ENTREP2: variants seen among roughly 807,000 people sequenced by gnomAD.
ENTREP2 encodes the protein endosomal transmembrane epsin interactor 2.
At chr15:29,463,550 G>A in the ENTREP2 span, among the ~76,000 whole-genome samples, 4 of 149,456 alleles carry the variant, frequency 2.7e-5, no homozygotes, top group African/African-American at 7.4e-5. Context: ...AGAGAGAGAC[G>A]GAAGTAACCA....
the ENTREP2 span, among the ~76,000 whole-genome samples, chr15:29,370,609 T>C: frequency 0.32 from 47,931 of 151,834 alleles, 8,779 homozygotes; most frequent in African/African-American, 0.49. Flanking sequence ...ACAGGTTTTC[T>C]ATCCTGGCTG....
chr15:29,672,047 C>A, the ENTREP2 span, among the ~76,000 whole-genome samples: 69 of 152,246 alleles, frequency 4.5e-4, no homozygotes, highest in African/African-American at 1.7e-3. Flanking sequence ...AGTGCAGTGG[C>A]GCCATCTTGG....
the ENTREP2 span, among the ~76,000 whole-genome samples, chr15:29,167,884 ACAATT>A: frequency 6.5e-4 from 99 of 152,350 alleles, no homozygotes; most frequent in African/African-American, 2.3e-3. Context: ...TTATAGCAAC[ACAATT>A]CAATTCACAC....
At chr15:29,486,377 C>T in the ENTREP2 span, among the ~76,000 whole-genome samples, 1 of 152,028 alleles carries the variant, frequency 6.6e-6, no homozygotes, top group African/African-American at 2.4e-5. Flanking sequence ...TACTATCTGG[C>T]CATAAAAAAA....
the ENTREP2 span, among the ~76,000 whole-genome samples, chr15:29,528,639 G>C: frequency 6.6e-6 from 1 of 151,906 alleles, no homozygotes; most frequent in East Asian, 1.9e-4. Flanking sequence ...CACATCTTCT[G>C]ATAGCAAATC....
the ENTREP2 span, among the ~76,000 whole-genome samples, chr15:29,174,707 C>CAAAAAAAAAA: frequency 1.4e-5 from 2 of 138,360 alleles, no homozygotes; most frequent in East Asian, 2.1e-4. Context: ...CAAAACAAAA[C>CAAAAAAAAAA]AACAAAAAAA....
the ENTREP2 span, among the ~76,000 whole-genome samples, chr15:29,624,871 T>TTG: frequency 0.16 from 22,453 of 143,554 alleles, 1,773 homozygotes; most frequent in East Asian, 0.19. Flanking sequence ...CTGCATTAAT[T>TTG]TGTGTGTGTG....
the ENTREP2 span, among the ~76,000 whole-genome samples, chr15:29,593,843 A>G: frequency 2.6e-5 from 4 of 152,196 alleles, no homozygotes; most frequent in African/African-American, 9.6e-5. Context: ...ATGTAACAGT[A>G]TCTTGATTGT....
the ENTREP2 span, among the ~76,000 whole-genome samples, chr15:29,297,808 G>A: frequency 1.1e-4 from 16 of 152,048 alleles, no homozygotes; most frequent in South Asian, 4.2e-4. Flanking sequence ...GAAATGCTTC[G>A]GCTCTTGAAC....
chr15:29,275,548 C>T, the ENTREP2 span, among the ~76,000 whole-genome samples: 3 of 151,934 alleles, frequency 2.0e-5, no homozygotes, highest in East Asian at 3.9e-4. Context: ...ATTACTAGAC[C>T]CAAAAGAAAA....
chr15:29,259,283 C>G, the ENTREP2 span, among the ~76,000 whole-genome samples: 2 of 152,308 alleles, frequency 1.3e-5, no homozygotes, highest in African/African-American at 4.8e-5. Context: ...AATCTGATTT[C>G]AGAGTCACCA....
At chr15:29,368,702 T>C in the ENTREP2 span, among the ~76,000 whole-genome samples, 1 of 151,434 alleles carries the variant, frequency 6.6e-6, no homozygotes, top group Non-Finnish European at 1.5e-5. Context: ...CAAGATACTA[T>C]CATTAACAAA....
chr15:29,224,148 C>A, the ENTREP2 span, among the ~76,000 whole-genome samples: 38 of 152,118 alleles, frequency 2.5e-4, no homozygotes, highest in African/African-American at 6.3e-4. Flanking sequence ...GGTTCGTGGT[C>A]TCGCTGGCTC....
At chr15:29,151,940 AC>A in the ENTREP2 span, 1 of 853,916 alleles carries the variant, frequency 1.2e-6, no homozygotes, top group Non-Finnish European at 1.9e-6. Flanking sequence ...GAGGTCGATG[AC>A]CATCCACTTC....
At chr15:29,621,431 G>A in the ENTREP2 span, among the ~76,000 whole-genome samples, 1 of 148,236 alleles carries the variant, frequency 6.7e-6, no homozygotes, top group African/African-American at 2.5e-5. Flanking sequence ...GCTGAGGCAG[G>A]AGAATGGCGT....
chr15:29,591,338 G>A, the ENTREP2 span, among the ~76,000 whole-genome samples: 5 of 152,240 alleles, frequency 3.3e-5, no homozygotes, highest in Admixed American at 2.6e-4. Context: ...CACACAGCTC[G>A]GGCTTCTCGA....
At chr15:29,666,183 T>C in the ENTREP2 span, among the ~76,000 whole-genome samples, 1 of 152,002 alleles carries the variant, frequency 6.6e-6, no homozygotes, top group Non-Finnish European at 1.5e-5. Flanking sequence ...AAAAAAAAAT[T>C]ATTTATACAC....
chr15:29,474,027 C>A, the ENTREP2 span, among the ~76,000 whole-genome samples: 1 of 152,244 alleles, frequency 6.6e-6, no homozygotes, highest in East Asian at 1.9e-4. Flanking sequence ...AAACCCCCAT[C>A]TACAGCCTTC....
At chr15:29,138,278 T>C in the ENTREP2 span, among the ~76,000 whole-genome samples, 1 of 152,078 alleles carries the variant, frequency 6.6e-6, no homozygotes, top group African/African-American at 2.4e-5. Context: ...AAATGAAACC[T>C]GTTTCTGCCT....
Sources: allele counts gnomAD v4.1 joint callset (sites outside exome capture counted in the v4.1 genomes callset), GRCh38; gene constraint gnomAD v4.1.1; transcripts MANE v1.5; gene names NCBI Gene and HGNC (gene_info 2026-07-23, HGNC 2026-07-21).